The following SLC27A2 variants were observed in gnomAD, a reference collection of about 807,000 sequenced individuals.
The protein encoded by SLC27A2 is long-chain fatty acid transport protein 2.
In SLC27A2, 54 loss-of-function variants were observed where a neutral mutation model predicts 60.0. That is an observed-to-expected ratio of 0.90 (90% CI 0.72 to 1.13). The LOEUF (loss-of-function observed/expected upper bound fraction) is 1.13, where lower values mean the gene tolerates loss of function less well. SLC27A2 is among the 50% of genes most tolerant of loss of function. The probability of loss-of-function intolerance (pLI) is 0.00; values close to 1 mark genes in which losing one functional copy is unlikely to be tolerated. For synonymous variants in SLC27A2, 297 were observed against 297.6 expected (o/e 1.00, Z 0.02); for missense variants, 739 against 777.6 (o/e 0.95, Z 0.59).
chr15:50,184,286 C>T (rs955415871), intron 1 of SLC27A2, among the ~76,000 whole-genome samples: 1 of 151,968 alleles, frequency 6.6e-6, no homozygotes, highest in African/African-American at 2.4e-5. Context: ...AGCCACCACA[C>T]CCAGCCTCTT....
chr15:50,189,919 A>G (rs1314326565), intron 1 of SLC27A2, among the ~76,000 whole-genome samples: 3 of 152,236 alleles, frequency 2.0e-5, no homozygotes, highest in Non-Finnish European at 4.4e-5. Flanking sequence ...GAGTTCATAT[A>G]AGCAAGAACT....
intron 1 of SLC27A2, among the ~76,000 whole-genome samples, chr15:50,189,906 C>T (rs2044960002): frequency 6.6e-6 from 1 of 152,086 alleles, no homozygotes. Context: ...ATTTAGAAAG[C>T]AAGAGTTCAT....
At position 50,182,204 on chromosome 15, in the gene SLC27A2, C is replaced by G; in HGVS notation, c.-224C>G. 1.6e-6 allele frequency: 1 copy of G among 606,180 alleles called. No individual in the cohort carries two copies. The highest frequency in any genetic ancestry group is 2.3e-6 in the Non-Finnish European group (1 of 425,786). The allele number at this position is 606,180 out of a possible 1,614,324, so 37.6% of individuals were successfully genotyped here. On this transcript the variant is annotated 5_prime_UTR_variant, in exon 1 of 10. Coordinates refer to ENST00000267842, the MANE Select transcript of SLC27A2 (RefSeq NM_003645.4). Reference sequence around the variant, plus strand: ...GGCGGGCTCAGCCGGCCAGTCCTGCCCGGAACCCCCGGCAACGCGCATACG... The same window carrying G: ...GGCGGGCTCAGCCGGCCAGTCCTGCGCGGAACCCCCGGCAACGCGCATACG...
intron 3 of SLC27A2, among the ~76,000 whole-genome samples, chr15:50,203,174 T>C (rs974516514): frequency 6.6e-6 from 1 of 151,830 alleles, no homozygotes; most frequent in African/African-American, 2.4e-5. Context: ...GGTGACAGAG[T>C]GAGACCTTGA....
chr15:50,202,751 T>C (rs1428282774), intron 3 of SLC27A2, 106 bp downstream of exon 3: 2 of 1,156,572 alleles, frequency 1.7e-6, no homozygotes, highest in African/African-American at 1.5e-5. Context: ...GGAACAGTTT[T>C]CAATTTTGCA....
intron 2 of SLC27A2, 121 bp downstream of exon 2, chr15:50,197,830 G>T (rs1291371686): frequency 1.4e-5 from 10 of 691,972 alleles, no homozygotes; most frequent in Admixed American, 2.6e-5. Context: ...AGGAGATTTA[G>T]TTATTTGCCT....
At chr15:50,232,538 C>T (rs1325181894) in intron 8 of SLC27A2, among the ~76,000 whole-genome samples, 1 of 152,142 alleles carries the variant, frequency 6.6e-6, no homozygotes, top group Non-Finnish European at 1.5e-5. Flanking sequence ...TAGGCTGGAA[C>T]CATTCCCCCT....
chr15:50,182,382 G>A lies in SLC27A2; in HGVS notation c.-46G>A. On this transcript the variant is annotated 5_prime_UTR_variant, in exon 1 of 10. Transcript: ENST00000267842. ...GCCCAGTCGCCGCGCTGCACGCCCG[G>A]GGTGAACCCTCTGCCCTCGCTGGGA... The A allele has an allele frequency of 6.6e-7, 1 of 1,507,196 alleles. No homozygotes were observed. The highest frequency in any genetic ancestry group is 8.9e-7 in the Non-Finnish European group (1 of 1,128,240). 93.4% of individuals were successfully genotyped at this position (1,507,196 alleles called of 1,614,324 possible).
chr15:50,227,166 G>A lies in SLC27A2; in HGVS notation c.1445G>A (p.Gly482Glu), dbSNP rs754885684. The change falls in exon 7 of 10, where the codon GGA (glycine) becomes GAA (glutamate). Residue 482 changes from glycine to glutamate, a missense_variant. Transcript: ENST00000267842. ...TTCATCTATTTCCACGACAGAGTTG[G>A]AGATACATTCCGGTTGGTTTTTCTG... ...ENFIYFHDRV[G>E]DTFRWKGENV... The A allele has an allele frequency of 1.2e-5, 20 of 1,613,738 alleles. No individual in the cohort carries two copies. In the South Asian group the frequency reaches 2.2e-4, roughly 18 times the overall value.
At position 50,202,474 on chromosome 15, in the gene SLC27A2, T is replaced by A. The variant is rs1429368040; in HGVS notation, c.689-13T>A. The A allele has an allele frequency of 1.2e-6, 2 of 1,614,004 alleles. No individual in the cohort carries two copies. The highest frequency in any genetic ancestry group is 1.7e-6 in the Non-Finnish European group (2 of 1,179,852). ...CTTGGTTAACTCATGCCTTCTCTTGTATATTTACAAAGGTCTTCCAAAAGC... is the reference window on the plus strand; with the variant it reads ...CTTGGTTAACTCATGCCTTCTCTTGAATATTTACAAAGGTCTTCCAAAAGC... On this transcript the variant is annotated splice_polypyrimidine_tract_variant and intron_variant, in intron 2 of 9. Transcript: ENST00000267842.
At chr15:50,208,788 T>A (rs1200170518) in intron 4 of SLC27A2, among the ~76,000 whole-genome samples, 2 of 152,238 alleles carry the variant, frequency 1.3e-5, no homozygotes, top group Non-Finnish European at 2.9e-5. Context: ...TATTTTGCCG[T>A]CTTCCCGCAT....
intron 2 of SLC27A2, among the ~76,000 whole-genome samples, chr15:50,198,924 T>G (rs2045044309): frequency 6.6e-6 from 1 of 152,138 alleles, no homozygotes; most frequent in African/African-American, 2.4e-5. Flanking sequence ...GAGTTTAACC[T>G]GATTGTTGAC....
At chr15:50,217,636 C>G (rs114699605) in intron 4 of SLC27A2, among the ~76,000 whole-genome samples, 1 of 152,148 alleles carries the variant, frequency 6.6e-6, no homozygotes, top group East Asian at 1.9e-4. Context: ...ACCCTGCCCC[C>G]ACAGAACTGC....
chr15:50,211,517 C>T (rs1200128056), intron 4 of SLC27A2, among the ~76,000 whole-genome samples: 1 of 152,128 alleles, frequency 6.6e-6, no homozygotes, highest in Non-Finnish European at 1.5e-5. Flanking sequence ...ACAGAGCCTA[C>T]CCAAATGAGA....
intron 8 of SLC27A2, among the ~76,000 whole-genome samples, chr15:50,233,401 C>T (rs1011886223): frequency 5.3e-5 from 8 of 152,170 alleles, no homozygotes; most frequent in Admixed American, 3.9e-4. Context: ...ACCAGTCCAA[C>T]CTACTCCCTA....
At chr15:50,195,559 G>A (rs1379758383) in intron 1 of SLC27A2, among the ~76,000 whole-genome samples, 2 of 152,068 alleles carry the variant, frequency 1.3e-5, no homozygotes, top group Non-Finnish European at 2.9e-5. Flanking sequence ...TAGTTGTGAG[G>A]AAGGCCTGGG....
At chr15:50,230,577 G>C (rs1358509468) in intron 8 of SLC27A2, among the ~76,000 whole-genome samples, 2 of 152,152 alleles carry the variant, frequency 1.3e-5, no homozygotes, top group Non-Finnish European at 2.9e-5. Flanking sequence ...AATATCTCTT[G>C]CTTGTTCCTC....
chr15:50,205,470 T>C (rs966364493), intron 4 of SLC27A2, 107 bp downstream of exon 4: 5 of 1,151,846 alleles, frequency 4.3e-6, no homozygotes, highest in Non-Finnish European at 6.1e-6. Context: ...CAGTTTTGAG[T>C]TTAGGATACA....
At chr15:50,183,351 G>T (rs112280695) in intron 1 of SLC27A2, among the ~76,000 whole-genome samples, 1 of 152,106 alleles carries the variant, frequency 6.6e-6, no homozygotes, top group Non-Finnish European at 1.5e-5. Flanking sequence ...TTGACTGGCT[G>T]TGTGATCATG....
Sources: allele counts gnomAD v4.1 joint callset (sites outside exome capture counted in the v4.1 genomes callset), GRCh38; gene constraint gnomAD v4.1.1; transcripts MANE v1.5; gene names NCBI Gene and HGNC (gene_info 2026-07-23, HGNC 2026-07-21).